The following PXDNL variants were observed in gnomAD, a reference collection of about 807,000 sequenced individuals.
PXDNL encodes the protein peroxidasin like.
PXDNL carries 145 observed loss-of-function variants against 150.8 expected under a neutral mutation model. The observed-to-expected ratio is 0.96, with a 90% CI of 0.84 to 1.10. The LOEUF is 1.10. Ranked by LOEUF, PXDNL falls within the 50% of genes least tolerant of loss-of-function variation. The pLI, the probability that PXDNL is intolerant of heterozygous loss-of-function variation, is 0.00. For missense variants in PXDNL, 2,087 were observed against 1,873.9 expected (o/e 1.11, Z -2.10); for synonymous variants, 757 against 725.7 (o/e 1.04, Z -0.69).
intron 1 of PXDNL, among the ~76,000 whole-genome samples, chr8:51,777,282 A>G (rs758596886): frequency 2.0e-5 from 3 of 152,242 alleles, no homozygotes; most frequent in Non-Finnish European, 4.4e-5. Context: ...CAAAGTAGGA[A>G]TAACATTATT....
chr8:51,720,011 T>C (rs139455164), intron 1 of PXDNL, among the ~76,000 whole-genome samples: 8,061 of 152,222 alleles, frequency 0.053, 230 homozygotes, highest in African/African-American at 0.081. Context: ...TTTGAACTTC[T>C]GGATTCAGCT....
At chr8:51,353,796 T>C (rs1295227842) in intron 19 of PXDNL, among the ~76,000 whole-genome samples, 1 of 152,166 alleles carries the variant, frequency 6.6e-6, no homozygotes, top group Non-Finnish European at 1.5e-5. Flanking sequence ...AAAATTGAGA[T>C]TGAAATAAAC....
At chr8:51,562,929 T>G (rs908164342) in intron 3 of PXDNL, among the ~76,000 whole-genome samples, 8 of 151,898 alleles carry the variant, frequency 5.3e-5, no homozygotes, top group African/African-American at 1.9e-4. Flanking sequence ...GTCATGGACT[T>G]GCGAGGGAGT....
chr8:51,436,043 G>GT, intron 12 of PXDNL: 2 of 528,266 alleles, frequency 3.8e-6, no homozygotes, highest in Non-Finnish European at 7.7e-6. Flanking sequence ...GTTCAAAATA[G>GT]TCATAGCCTA....
At position 51,319,766 on chromosome 8, in the gene PXDNL, G is replaced by T. The variant is rs1805260567; in HGVS notation, c.*125C>A. ...ATCGTAAGTATATGTAAGATTAGATGAACTAAGTTGCTTAAGTCAGTGGTT... is the reference window on the plus strand; with the variant it reads ...ATCGTAAGTATATGTAAGATTAGATTAACTAAGTTGCTTAAGTCAGTGGTT... On this transcript the variant is annotated 3_prime_UTR_variant, in exon 23 of 23. Transcript: ENST00000356297. 2 of 720,614 alleles carry T rather than the reference G, an allele frequency of 2.8e-6. No homozygotes were observed. Among genetic ancestry groups the T allele is most frequent in the Non-Finnish European group, 4.1e-6 (2 of 490,734 alleles). 44.6% of individuals were successfully genotyped at this position (720,614 alleles called of 1,614,324 possible).
chr8:51,400,377 G>C (rs567255933), intron 17 of PXDNL, among the ~76,000 whole-genome samples: 2 of 152,220 alleles, frequency 1.3e-5, no homozygotes, highest in South Asian at 4.1e-4. Context: ...AAAAATTTTG[G>C]ATTTTTGATT....
chr8:51,744,387 G>T (rs1022084028), intron 1 of PXDNL, among the ~76,000 whole-genome samples: 1 of 151,056 alleles, frequency 6.6e-6, no homozygotes, highest in Non-Finnish European at 1.5e-5. Context: ...AGAAAGGAAG[G>T]CTGGGCACGG....
intron 3 of PXDNL, among the ~76,000 whole-genome samples, chr8:51,583,574 T>A (rs1441753492): frequency 6.6e-6 from 1 of 152,134 alleles, no homozygotes; most frequent in Admixed American, 6.5e-5. Flanking sequence ...ATTAAAATAT[T>A]AAGATAGAAA....
chr8:51,705,837 G>A (rs1356485901), intron 1 of PXDNL, among the ~76,000 whole-genome samples: 3 of 9,026 alleles, frequency 3.3e-4, no homozygotes, highest in Non-Finnish European at 4.6e-4. Flanking sequence ...GTGTGTGCGC[G>A]CGCGCGCGCG....
At chr8:51,744,797 AAG>A (rs1563307644) in intron 1 of PXDNL, among the ~76,000 whole-genome samples, 10 of 150,288 alleles carry the variant, frequency 6.7e-5, no homozygotes, top group South Asian at 2.1e-4. Flanking sequence ...GAAAAAGAGA[AAG>A]AGAGAGAAAG....
At chr8:51,507,403 G>C (rs937606120) in intron 4 of PXDNL, among the ~76,000 whole-genome samples, 9 of 152,226 alleles carry the variant, frequency 5.9e-5, no homozygotes, top group African/African-American at 2.2e-4. Context: ...CTCTTGCACA[G>C]AACAGTAAGG....
chr8:51,335,903 G>A lies in PXDNL; in HGVS notation c.4146+3721C>T, dbSNP rs575230529. Among the ~76,000 whole-genome samples, 30 of 152,276 alleles carry A rather than the reference G, an allele frequency of 2.0e-4. 1 individual carries two copies. Among genetic ancestry groups the A allele is most frequent in the Admixed American group, 1.0e-3 (16 of 15,302 alleles). On this transcript the variant is annotated intron_variant, in intron 21 of 22. Transcript: ENST00000356297. ...GCTATAACATGTATGAAAATTTGCA[G>A]ACCACTTTGGTTAGCTTGATCCCAT...
intron 3 of PXDNL, among the ~76,000 whole-genome samples, chr8:51,564,523 C>T (rs1812776477): frequency 6.6e-6 from 1 of 151,350 alleles, no homozygotes; most frequent in African/African-American, 2.4e-5. Flanking sequence ...TCCTCCCAAC[C>T]TCCACCCTCA....
At chr8:51,520,949 C>T (rs1051411799) in intron 4 of PXDNL, among the ~76,000 whole-genome samples, 4 of 152,194 alleles carry the variant, frequency 2.6e-5, no homozygotes, top group African/African-American at 9.7e-5. Flanking sequence ...AGGCCAGGTG[C>T]CCTGGCTCAT....
At chr8:51,693,792 A>G (rs1240613530) in intron 1 of PXDNL, among the ~76,000 whole-genome samples, 1 of 152,178 alleles carries the variant, frequency 6.6e-6, no homozygotes, top group African/African-American at 2.4e-5. Flanking sequence ...AATAGTAACA[A>G]AAAGGAATTT....
chr8:51,796,575 A>C (rs917429599), intron 1 of PXDNL, among the ~76,000 whole-genome samples: 3 of 152,212 alleles, frequency 2.0e-5, no homozygotes, highest in Non-Finnish European at 2.9e-5. Flanking sequence ...AAAATCTAGA[A>C]AAAATGGTTA....
chr8:51,408,268 C>T lies in PXDNL; in HGVS notation c.3356G>A (p.Ser1119Asn), dbSNP rs751062379. Residue 1119 changes from serine (S) to asparagine (N), a missense_variant, in exon 17 of 23, where the codon AGT becomes AAT. Coordinates refer to ENST00000356297, the MANE Select transcript of PXDNL (RefSeq NM_144651.5). ...AKWRAPSYLL[S>N]PELTQRLFSA... is the part of the protein sequence containing the mutation. ...GAAGAGCCTCTGGGTCAGCTCAGGA[C>T]TGAGAAGGTAGGAGGGTGCCCGCCA... The T allele has an allele frequency of 5.6e-6, 9 of 1,613,858 alleles. No homozygotes were observed. In the African/African-American group the frequency reaches 1.2e-4, roughly 22 times the overall value.
At chr8:51,442,787 T>C (rs1358000347) in intron 12 of PXDNL, among the ~76,000 whole-genome samples, 1 of 152,176 alleles carries the variant, frequency 6.6e-6, no homozygotes, top group Non-Finnish European at 1.5e-5. Context: ...TTTCATTTTG[T>C]ATTTTCGTGT....
At chr8:51,446,230 C>T (rs781061358) in intron 12 of PXDNL, among the ~76,000 whole-genome samples, 28 of 152,186 alleles carry the variant, frequency 1.8e-4, no homozygotes, top group South Asian at 6.2e-4. Context: ...CTCCTATGCT[C>T]TCATCAATAT....
Sources: allele counts gnomAD v4.1 joint callset (sites outside exome capture counted in the v4.1 genomes callset), GRCh38; gene constraint gnomAD v4.1.1; transcripts MANE v1.5; gene names NCBI Gene and HGNC (gene_info 2026-07-23, HGNC 2026-07-21).